Variants in RALB observed in about 807,000 individuals in gnomAD.
RALB encodes the protein ras-related protein Ral-B.
A neutral mutation model predicts 21.3 loss-of-function variants in RALB; 16 were observed. The ratio of observed to expected loss-of-function variants is 0.75; its 90% confidence interval spans 0.51 to 1.14. The LOEUF (loss-of-function observed/expected upper bound fraction) is 1.14. Among genes scored for constraint, RALB ranks in the 50% most tolerant of loss-of-function variants. The probability of loss-of-function intolerance (pLI) is 0.00; values close to 1 mark genes in which losing one functional copy is unlikely to be tolerated. For synonymous variants in RALB, 93 were observed against 96.1 expected (o/e 0.97, Z 0.19); for missense variants, 161 against 256.2 (o/e 0.63, Z 2.54).
Position 120,289,655 on chromosome 2 carries a change from G to C in RALB, c.399G>C (p.Glu133Asp), listed in dbSNP as rs752056136. The C allele has an allele frequency of 1.9e-6, 3 of 1,614,104 alleles. No individual in the cohort carries two copies. Among genetic ancestry groups the C allele is most frequent in the African/African-American group, 1.3e-5 (1 of 74,938 alleles). ...TCGTGGGAAACAAGTCTGACCTAGA[G>C]GAGCGGAGGCAGGTGCCTGTGGAGG... The part of the protein sequence containing the change: ...LLVVGNKSDL[E>D]ERRQVPVEEA... Residue 133 changes from glutamate (E) to aspartate (D), a missense_variant, in exon 4 of 5, where the codon GAG (glutamate) becomes GAC (aspartate). Coordinates refer to ENST00000272519, the MANE Select transcript of RALB (RefSeq NM_002881.3).
intron 1 of RALB, among the ~76,000 whole-genome samples, chr2:120,261,822 G>T (rs1239557610): frequency 6.6e-6 from 1 of 152,180 alleles, no homozygotes; most frequent in East Asian, 1.9e-4. Context: ...GCTTGCAGGT[G>T]TCAAGAGGGC....
At chr2:120,270,738 G>A (rs1192728923) in intron 1 of RALB, among the ~76,000 whole-genome samples, 1 of 152,164 alleles carries the variant, frequency 6.6e-6, no homozygotes, top group East Asian at 1.9e-4. Flanking sequence ...GTGTTCTCCC[G>A]AAGCAGAGCC....
rs1376504561 is a variant in RALB at position 120,293,343 on chromosome 2, C to T, written c.*83C>T. The T allele has an allele frequency of 2.3e-5, 31 of 1,371,102 alleles. No homozygotes were observed. Among genetic ancestry groups the T allele is most frequent in the Non-Finnish European group, 5.8e-6 (6 of 1,039,674 alleles). The allele number at this position is 1,371,102 out of a possible 1,614,324, so 84.9% of individuals were successfully genotyped here. On this transcript the variant is annotated 3_prime_UTR_variant, in exon 5 of 5. Transcript: ENST00000272519. The stretch of plus-strand genomic sequence containing the variant: ...AGAGAAGGCTATGGTTGACTTCTTG[C>T]TTGTGCTTCCCACTCTCCCCGACTT...
upstream of RALB, among the ~76,000 whole-genome samples, chr2:120,248,955 T>TTAC (rs1424753418): frequency 5.3e-5 from 8 of 151,976 alleles, no homozygotes; most frequent in Non-Finnish European, 1.0e-4. Context: ...TAGGCATGAG[T>TTAC]TACCATGCCT....
chr2:120,244,224 A>C (rs1328120384), intron 1 of RALB, among the ~76,000 whole-genome samples: 1 of 152,190 alleles, frequency 6.6e-6, no homozygotes, highest in African/African-American at 2.4e-5. Context: ...CAATATGGAG[A>C]TTGCAATTCC....
chr2:120,246,174 G>A (rs1558942962), intron 1 of RALB, among the ~76,000 whole-genome samples: 1 of 152,248 alleles, frequency 6.6e-6, no homozygotes, highest in South Asian at 2.1e-4. Flanking sequence ...CCAGGGCGGG[G>A]TTTGGCATTT....
At chr2:120,264,404 C>T (rs761228200) in intron 1 of RALB, among the ~76,000 whole-genome samples, 1 of 151,948 alleles carries the variant, frequency 6.6e-6, no homozygotes, top group Non-Finnish European at 1.5e-5. Flanking sequence ...CATCCACCTC[C>T]GCCCCTCAAA....
intron 1 of RALB, among the ~76,000 whole-genome samples, chr2:120,262,824 G>T (rs1288670451): frequency 6.6e-6 from 1 of 152,246 alleles, no homozygotes; most frequent in Non-Finnish European, 1.5e-5. Flanking sequence ...GATGAAGAAA[G>T]AAGGGTGTGA....
chr2:120,289,468 A>ATT, intron 3 of RALB, 112 bp from the exon 4 acceptor site: 38 of 884,930 alleles, frequency 4.3e-5, no homozygotes, highest in East Asian at 9.3e-5. Context: ...AAATCTAGTG[A>ATT]TTTTTTTTTT....
chr2:120,245,547 G>A (rs892275558), intron 1 of RALB, among the ~76,000 whole-genome samples: 1 of 152,196 alleles, frequency 6.6e-6, no homozygotes, highest in African/African-American at 2.4e-5. Flanking sequence ...GGCCCCAGCA[G>A]CAGACAGCAG....
chr2:120,289,850 G>T, intron 4 of RALB, 93 bp downstream of exon 4: 1 of 1,195,938 alleles, frequency 8.4e-7, no homozygotes, highest in South Asian at 1.7e-5. Flanking sequence ...AACCATTTAT[G>T]AAAACTAGGT....
At chr2:120,284,462 G>C (rs995711061) in intron 2 of RALB, among the ~76,000 whole-genome samples, 2 of 151,820 alleles carry the variant, frequency 1.3e-5, no homozygotes, top group African/African-American at 4.8e-5. Flanking sequence ...GCAATGGCAC[G>C]ATCTTGGTTC....
At chr2:120,240,450 A>AT (rs112411510) in intron 1 of RALB, among the ~76,000 whole-genome samples, 28,482 of 149,722 alleles carry the variant, frequency 0.19, 4,325 homozygotes, top group African/African-American at 0.43. Flanking sequence ...ACATCTGGCT[A>AT]TTTTTTTTTC....
chr2:120,245,405 G>C (rs957787998), intron 1 of RALB, among the ~76,000 whole-genome samples: 5 of 152,234 alleles, frequency 3.3e-5, no homozygotes, highest in Admixed American at 3.3e-4. Flanking sequence ...GAACTGCTGA[G>C]GGGAGGGGAG....
At chr2:120,271,521 G>C (rs1478890381) in intron 1 of RALB, among the ~76,000 whole-genome samples, 1 of 152,158 alleles carries the variant, frequency 6.6e-6, no homozygotes, top group Admixed American at 6.5e-5. Context: ...GTTTTCTCTA[G>C]AATCAAAGTT....
rs946468954 is a variant in RALB, at chr2:120,278,615, C to G, written c.-47-3C>G. On this transcript the variant is annotated splice_polypyrimidine_tract_variant and splice_region_variant and intron_variant, in intron 1 of 4. Transcript: ENST00000272519. Reference sequence around the variant, plus strand: ...TCTAAGTCTTTGTCTTTGTCATCAGCAGCTCTTCAGTGGGTCATCTGTGTG... The same window carrying G: ...TCTAAGTCTTTGTCTTTGTCATCAGGAGCTCTTCAGTGGGTCATCTGTGTG... 6.7e-7 allele frequency: 1 copy of G among 1,488,516 alleles called. No individual in the cohort carries two copies. The highest frequency in any genetic ancestry group is 1.4e-5 in the African/African-American group (1 of 70,658). 92.2% of individuals were successfully genotyped at this position (1,488,516 alleles called of 1,614,324 possible).
At chr2:120,276,804 T>A (rs774383612) in intron 1 of RALB, among the ~76,000 whole-genome samples, 8 of 152,154 alleles carry the variant, frequency 5.3e-5, no homozygotes, top group Non-Finnish European at 1.0e-4. Context: ...AGAACATTCC[T>A]GCAAGGTAGG....
intron 1 of RALB, among the ~76,000 whole-genome samples, chr2:120,270,447 A>C (rs1220129808): frequency 6.6e-6 from 1 of 152,218 alleles, no homozygotes; most frequent in Non-Finnish European, 1.5e-5. Context: ...GCAGCATGTG[A>C]TTCCATAAGA....
chr2:120,254,203 C>G (rs1689136858), intron 1 of RALB, among the ~76,000 whole-genome samples: 1 of 152,180 alleles, frequency 6.6e-6, no homozygotes, highest in Non-Finnish European at 1.5e-5. Flanking sequence ...GATCTTTCCC[C>G]CTCTGAGCTC....
Sources: allele counts gnomAD v4.1 joint callset (sites outside exome capture counted in the v4.1 genomes callset), GRCh38; gene constraint gnomAD v4.1.1; transcripts MANE v1.5; gene names NCBI Gene and HGNC (gene_info 2026-07-23, HGNC 2026-07-21).